Variants in EXD3 observed in about 807,000 individuals in gnomAD.
EXD3 encodes exonuclease mut-7 homolog.
A neutral mutation model predicts 98.0 loss-of-function variants in EXD3; 92 were observed. That is an observed-to-expected ratio of 0.94 (90% confidence interval 0.79 to 1.12). EXD3 has a LOEUF of 1.12. Ranked by LOEUF, EXD3 falls within the 50% of genes most tolerant of loss-of-function variation. The probability of loss-of-function intolerance (pLI) is 0.00; values close to 1 mark genes in which losing one functional copy is unlikely to be tolerated. For missense variants in EXD3, 1,222 were observed against 1,191.6 expected (o/e 1.03, Z -0.38); for synonymous variants, 569 against 526.0 (o/e 1.08, Z -1.12).
chr9:137,372,801 G>A (rs1367407361), intron 5 of EXD3, 104 bp downstream of exon 5: 18 of 1,207,392 alleles, frequency 1.5e-5, no homozygotes, highest in Non-Finnish European at 1.7e-5. Context: ...TAGACCAGAA[G>A]CCCCAAACAG....
Position 137,385,364 on chromosome 9 carries a change from G to C in EXD3, c.56-1987C>G, listed in dbSNP as rs1167114393. The stretch of plus-strand genomic sequence containing the variant: ...CATGGCAGGCAGTGTGACTGGCCCC[G>C]CATTCTGGGTGCTGCATGCTGGGCA... On this transcript the variant is annotated intron_variant, in intron 2 of 21. Coordinates refer to ENST00000340951, the MANE Select transcript of EXD3 (RefSeq NM_017820.5). The surrounding 1 kb of genome is among the most constrained non-coding windows in gnomAD (Gnocchi z 4.4). Among the ~76,000 whole-genome samples, 1 of 151,634 alleles carries C rather than the reference G, an allele frequency of 6.6e-6. No individual in the cohort carries two copies. The highest frequency in any genetic ancestry group is 2.0e-4 in the East Asian group (1 of 5,124).
At chr9:137,328,465 C>CA (rs1832617957) in intron 17 of EXD3, among the ~76,000 whole-genome samples, 10 of 7,452 alleles carry the variant, frequency 1.3e-3, no homozygotes, top group Non-Finnish European at 1.8e-3. Flanking sequence ...TAATATACAC[C>CA]TATATGATGA....
chr9:137,340,322 C>A (rs770035224), intron 17 of EXD3, among the ~76,000 whole-genome samples: 1 of 151,932 alleles, frequency 6.6e-6, no homozygotes, highest in Non-Finnish European at 1.5e-5. Context: ...ACCAAACATA[C>A]AAAAATTAGC....
At chr9:137,415,626 G>A (rs1040620589) in intron 1 of EXD3, among the ~76,000 whole-genome samples, 9 of 152,206 alleles carry the variant, frequency 5.9e-5, no homozygotes, top group Admixed American at 3.3e-4. Flanking sequence ...ACAGCTGCAA[G>A]GACGGGTCAG....
rs1837650133 is a variant in EXD3 at position 137,405,047 on chromosome 9, G to A, written c.-47-9643C>T. On this transcript the variant is annotated intron_variant, in intron 1 of 21. Coordinates refer to ENST00000340951, the MANE Select transcript of EXD3 (RefSeq NM_017820.5). This position sits in a 1 kb window ranked among gnomAD's most constrained non-coding sequence, Gnocchi z 4.1. The stretch of plus-strand genomic sequence containing the variant: ...CGAGCCGGGTGCTGGGAGGGGACAC[G>A]TGCTGTCTCACAGGTGAGCCAGGGG... Among the ~76,000 whole-genome samples, 4 of 152,094 alleles carry A rather than the reference G, an allele frequency of 2.6e-5. No homozygotes were observed. The highest frequency in any genetic ancestry group is 9.7e-5 in the African/African-American group (4 of 41,414).
chr9:137,331,397 ATT>A (rs1833056988), intron 17 of EXD3, among the ~76,000 whole-genome samples: 1 of 152,082 alleles, frequency 6.6e-6, no homozygotes, highest in Non-Finnish European at 1.5e-5. Flanking sequence ...CCAACATAGT[ATT>A]CAAAGTCCTG....
intron 19 of EXD3, among the ~76,000 whole-genome samples, chr9:137,312,947 C>A (rs1335394344): frequency 6.6e-6 from 1 of 152,086 alleles, no homozygotes; most frequent in Non-Finnish European, 1.5e-5. Flanking sequence ...AGGGGTCACA[C>A]CCACTGCCCC....
chr9:137,315,466 C>T (rs1027177713), intron 19 of EXD3, among the ~76,000 whole-genome samples: 1 of 152,168 alleles, frequency 6.6e-6, no homozygotes, highest in Non-Finnish European at 1.5e-5. Context: ...GTGTCTGGCA[C>T]CCCTCTGGGT....
In EXD3 at chr9:137,385,266, T is replaced by C. The variant is rs915429204; in HGVS notation, c.56-1889A>G. 2.6e-5 allele frequency among the ~76,000 whole-genome samples: 4 copies of C among 152,168 alleles called. No homozygotes were observed. The highest frequency in any genetic ancestry group is 6.5e-5 in the Admixed American group (1 of 15,284). On this transcript the variant is annotated intron_variant, in intron 2 of 21. Transcript: ENST00000340951. The surrounding 1 kb of genome is among the most constrained non-coding windows in gnomAD (Gnocchi z 4.4). ...AGGCTGAGAACACTCAAATGTCCAC[T>C]GTAGGAGGACGGAGCAAGTGCATCA...
chr9:137,333,529 G>T lies in EXD3; in HGVS notation c.1999-9386C>A, dbSNP rs79083208. 6.4e-3 allele frequency among the ~76,000 whole-genome samples: 969 copies of T among 152,252 alleles called. 4 individuals carry two copies. Among genetic ancestry groups the T allele is most frequent in the African/African-American group, 0.022 (906 of 41,544 alleles). On this transcript the variant is annotated intron_variant, in intron 17 of 21. Transcript: ENST00000340951. ...ATGCAAGCCACGGTGTTGGAGGTGG[G>T]GCCTGGCCTGGAGGGAGGCCACTCG...
rs373770755 is a variant in EXD3 at position 137,338,818 on chromosome 9, G to A, written c.1998+9253C>T. ...TGAGGCAGGAGAATGGCGTGAACCC[G>A]GGAGGCGGAGCTTGTAGTGAGCCAA... is the stretch of plus-strand genomic sequence containing the variant. On this transcript the variant is annotated intron_variant, in intron 17 of 21. Transcript: ENST00000340951. Among the ~76,000 whole-genome samples the A allele has an allele frequency of 5.3e-5, 8 of 150,940 alleles. No homozygotes were observed. The East Asian group carries it at 7.7e-4, about 15-fold the overall frequency.
chr9:137,400,585 G>C (rs958334655), intron 1 of EXD3, among the ~76,000 whole-genome samples: 2 of 152,086 alleles, frequency 1.3e-5, no homozygotes, highest in Admixed American at 6.5e-5. Context: ...GACCAACATG[G>C]AGAAACCCTG....
rs771180029 is a variant in EXD3, at chr9:137,373,549, G to A, written c.171C>T (p.Ala57=). 37 of 1,603,318 alleles carry A rather than the reference G, an allele frequency of 2.3e-5. No individual in the cohort carries two copies. Among genetic ancestry groups the A allele is most frequent in the African/African-American group, 2.0e-4 (15 of 74,814 alleles). The change falls in exon 4 of 22, where the codon GCC becomes GCT. Residue 57 remains alanine, a synonymous_variant. Transcript: ENST00000340951. ...AGCTCTCCAGCATGTCCAGAAGCCCGGCCAGGGGGTCGTCCAAGGCAGCAA... is the reference window on the plus strand; with the variant it reads ...AGCTCTCCAGCATGTCCAGAAGCCCAGCCAGGGGGTCGTCCAAGGCAGCAA... ...RGFAALDDPL[A]GLLDMLESCR...
In EXD3 at chr9:137,382,061, AGGAGGTGAGGGCG is replaced by A. The variant is rs1836318886; in HGVS notation, c.120+1239_120+1251del. Among the ~76,000 whole-genome samples, 3 of 105,560 alleles carry A rather than the reference AGGAGGTGAGGGCG, an allele frequency of 2.8e-5. No individual in the cohort carries two copies. The South Asian group carries it at 9.6e-4, about 34-fold the overall frequency. The allele number at this position is 105,560 out of a possible 152,430, so 69.3% of individuals were successfully genotyped here. ...GCGGGGAGGAGGTGAGGGCGCGCGG[AGGAGGTGAGGGCG>A]CGCGGTGGAGGTCAGGGCGGCGGTG... On this transcript the variant is annotated intron_variant, in intron 3 of 21. Transcript: ENST00000340951.
intron 3 of EXD3, among the ~76,000 whole-genome samples, chr9:137,376,711 A>C (rs967129488): frequency 6.6e-6 from 1 of 151,944 alleles, no homozygotes; most frequent in African/African-American, 2.4e-5. Context: ...GGGCGGATCA[A>C]CTGAGGTCGG....
At chr9:137,356,213 C>G in intron 8 of EXD3, 55 bp downstream of exon 8, 1 of 1,355,454 alleles carries the variant, frequency 7.4e-7, no homozygotes, top group Non-Finnish European at 1.0e-6. Flanking sequence ...TGTCCCTGGC[C>G]ACGCTTGGCG....
In EXD3 at chr9:137,381,415, CAAAA is replaced by C. The variant is rs61183889; in HGVS notation, c.120+1894_120+1897del. 1.1e-3 allele frequency among the ~76,000 whole-genome samples: 57 copies of C among 50,836 alleles called. 1 individual carries two copies. The highest frequency in any genetic ancestry group is 3.2e-3 in the African/African-American group (48 of 14,982). 33.4% of individuals were successfully genotyped at this position (50,836 alleles called of 152,430 possible). On this transcript the variant is annotated intron_variant, in intron 3 of 21. Coordinates refer to ENST00000340951, the MANE Select transcript of EXD3 (RefSeq NM_017820.5). ...TGGGTGACAGAACAAGACTCCTTCT[CAAAA>C]AAAAAAAAAAAAAAAAAAAAGACAG...
Position 137,356,364 on chromosome 9 carries a change from A to G in EXD3, c.661T>C (p.Tyr221His), listed in dbSNP as rs371300749. The G allele has an allele frequency of 7.5e-5, 119 of 1,594,902 alleles. No homozygotes were observed. Among genetic ancestry groups the G allele is most frequent in the Non-Finnish European group, 9.7e-5 (114 of 1,169,546 alleles). ...GFDIKDVARRYPEVTSLSLEK... is the reference protein window; with the variant it reads ...GFDIKDVARRHPEVTSLSLEK... ...AGGCTCAAGGAGGTCACCTCAGGGTACCGTCTGTGGGGAGAGAGAGGCACA... is the reference window on the plus strand; with the variant it reads ...AGGCTCAAGGAGGTCACCTCAGGGTGCCGTCTGTGGGGAGAGAGAGGCACA... Residue 221 changes from tyrosine (Y) to histidine (H), a missense_variant, in exon 8 of 22, where the codon TAC (tyrosine) becomes CAC (histidine). Transcript: ENST00000340951.
At chr9:137,363,163 TG>T (rs1835068155) in intron 7 of EXD3, among the ~76,000 whole-genome samples, 1 of 152,078 alleles carries the variant, frequency 6.6e-6, no homozygotes, top group Non-Finnish European at 1.5e-5. Flanking sequence ...GCTAATATTT[TG>T]TTTTGTATTT....
Sources: allele counts gnomAD v4.1 joint callset (sites outside exome capture counted in the v4.1 genomes callset), GRCh38; gene constraint gnomAD v4.1.1; non-coding constraint Gnocchi (gnomAD v3.1); transcripts MANE v1.5; gene names NCBI Gene and HGNC (gene_info 2026-07-23, HGNC 2026-07-21).